ARNT2: variants seen among roughly 807,000 people sequenced by gnomAD.
ARNT2 encodes aryl hydrocarbon receptor nuclear translocator 2.
Under a neutral mutation model 91.7 loss-of-function variants are expected in ARNT2, and 36 were observed. The ratio of observed to expected loss-of-function variants is 0.39; its 90% CI spans 0.30 to 0.52. ARNT2 has a LOEUF of 0.52. ARNT2 is among the 20% of genes least tolerant of loss of function. ARNT2 has a pLI of 0.72. For synonymous variants in ARNT2, 365 were observed against 347.1 expected (o/e 1.05, Z -0.57); for missense variants, 775 against 939.3 (o/e 0.83, Z 2.29).
At chr15:80,441,207 A>G (rs919648977) in intron 1 of ARNT2, 2 of 985,064 alleles carry the variant, frequency 2.0e-6, no homozygotes, top group South Asian at 4.7e-5. Context: ...CGGCTGAATC[A>G]TGGTCCACAG....
Position 80,443,189 on chromosome 15 carries a change from G to A in ARNT2, c.32-7691G>A, listed in dbSNP as rs934965586. 3.3e-5 allele frequency among the ~76,000 whole-genome samples: 5 copies of A among 152,344 alleles called. No homozygotes were observed. The East Asian group carries it at 5.8e-4, about 18-fold the overall frequency. On this transcript the variant is annotated intron_variant, in intron 1 of 18. Coordinates refer to ENST00000303329, the MANE Select transcript of ARNT2 (RefSeq NM_014862.4). ...GAGAGCTTTCTTGCCAGAGGACATA[G>A]CATATGCAAAGGTCCTGGGGTCAGA... is the stretch of plus-strand genomic sequence containing the variant.
chr15:80,471,919 G>C (rs938481786), intron 4 of ARNT2, among the ~76,000 whole-genome samples: 4 of 152,186 alleles, frequency 2.6e-5, no homozygotes, highest in African/African-American at 9.7e-5. Flanking sequence ...CTTTACATGA[G>C]CCAGAGGCCT....
rs1262774949 is a variant in ARNT2, at chr15:80,581,082, G to C, written c.1753-157G>C. 5.8e-6 allele frequency: 5 copies of C among 855,748 alleles called. No individual in the cohort carries two copies. In the South Asian group the frequency reaches 8.8e-5, roughly 15 times the overall value. 53.0% of individuals were successfully genotyped at this position (855,748 alleles called of 1,614,324 possible). A position where few individuals can be genotyped will look rare whatever the true frequency, so the allele number is the denominator to read the frequency against. ...CAGTTCCTGGGCCCTCACACACCGG[G>C]CTGATCCCAGGCCTGTGCCTAGCCA... On this transcript the variant is annotated intron_variant, in intron 16 of 18. Coordinates refer to ENST00000303329, the MANE Select transcript of ARNT2 (RefSeq NM_014862.4).
At chr15:80,457,594 AAG>A (rs1324262860) in intron 2 of ARNT2, among the ~76,000 whole-genome samples, 1 of 152,230 alleles carries the variant, frequency 6.6e-6, no homozygotes, top group Middle Eastern at 3.2e-3. Context: ...AGAGAAAAGG[AAG>A]AGACACCTTT....
intron 11 of ARNT2, among the ~76,000 whole-genome samples, chr15:80,561,954 G>A (rs1898364991): frequency 6.6e-6 from 1 of 152,094 alleles, no homozygotes; most frequent in African/African-American, 2.4e-5. Context: ...TGTATATATA[G>A]GAAACAGCAT....
chr15:80,466,464 C>A (rs1896654898), intron 3 of ARNT2, among the ~76,000 whole-genome samples: 2 of 152,294 alleles, frequency 1.3e-5, no homozygotes, highest in South Asian at 4.1e-4. Flanking sequence ...GAGTTAATTT[C>A]TTTATTGATG....
At chr15:80,415,968 G>C (rs1270317609) in intron 1 of ARNT2, among the ~76,000 whole-genome samples, 1 of 152,124 alleles carries the variant, frequency 6.6e-6, no homozygotes, top group Non-Finnish European at 1.5e-5. Flanking sequence ...TTTCCCCCTG[G>C]AGTCAGAACT....
At chr15:80,502,300 G>A (rs1645933417) in intron 5 of ARNT2, among the ~76,000 whole-genome samples, 1 of 152,218 alleles carries the variant, frequency 6.6e-6, no homozygotes, top group Non-Finnish European at 1.5e-5. Flanking sequence ...ATGGCTGGCT[G>A]CCCCGGACAG....
intron 3 of ARNT2, among the ~76,000 whole-genome samples, chr15:80,464,636 C>T (rs572517032): frequency 6.6e-6 from 1 of 152,294 alleles, no homozygotes; most frequent in South Asian, 2.1e-4. Flanking sequence ...CTTCCTGGAG[C>T]AGCCTCAGAA....
At chr15:80,584,441 G>C (rs1290801392) in intron 17 of ARNT2, among the ~76,000 whole-genome samples, 2 of 152,124 alleles carry the variant, frequency 1.3e-5, no homozygotes, top group Non-Finnish European at 2.9e-5. Flanking sequence ...GGACCCAAAG[G>C]GTTGTTCGTT....
chr15:80,407,587 C>T (rs145202798), intron 1 of ARNT2, among the ~76,000 whole-genome samples: 1 of 152,182 alleles, frequency 6.6e-6, no homozygotes, highest in African/African-American at 2.4e-5. Flanking sequence ...GGGTCATTTA[C>T]AGTCCTTACG....
chr15:80,459,374 G>A (rs1896521854), intron 3 of ARNT2, among the ~76,000 whole-genome samples: 1 of 152,172 alleles, frequency 6.6e-6, no homozygotes, highest in African/African-American at 2.4e-5. Context: ...TAATAGCAGG[G>A]TGTGCTTTCT....
intron 5 of ARNT2, among the ~76,000 whole-genome samples, chr15:80,497,988 A>C (rs557875881): frequency 6.6e-6 from 1 of 152,316 alleles, no homozygotes; most frequent in Admixed American, 6.5e-5. Context: ...TGTGGCTCCA[A>C]CTGTGTTCCT....
At chr15:80,467,817 G>T (rs1477602352) in intron 3 of ARNT2, among the ~76,000 whole-genome samples, 1 of 152,152 alleles carries the variant, frequency 6.6e-6, no homozygotes, top group African/African-American at 2.4e-5. Flanking sequence ...ACAAGCTCCT[G>T]GCTGAGGAGT....
chr15:80,470,299 A>G lies in ARNT2; in HGVS notation c.276A>G (p.Thr92=). Residue 92 remains threonine (T), a synonymous_variant, in exon 4 of 19, where the codon ACA becomes ACG. Transcript: ENST00000303329. ...YITELSDMVP[T]CSALARKPDK... ...CGGAGCTCTCCGACATGGTCCCCAC[A>G]TGCAGCGCACTGGCTCGGAAGCCAG... 3 of 1,614,224 alleles carry G rather than the reference A, an allele frequency of 1.9e-6. No individual in the cohort carries two copies. The highest frequency in any genetic ancestry group is 2.5e-6 in the Non-Finnish European group (3 of 1,180,042).
In ARNT2 at chr15:80,565,864, GTGTT is replaced by G. The variant is rs1411777320; in HGVS notation, c.1316+2635_1316+2638del. Among the ~76,000 whole-genome samples the G allele has an allele frequency of 5.8e-5, 7 of 120,198 alleles. No individual in the cohort carries two copies. The South Asian group carries it at 1.2e-3, about 20-fold the overall frequency. The allele number at this position is 120,198 out of a possible 152,430, so 78.9% of individuals were successfully genotyped here. A position where few individuals can be genotyped will look rare whatever the true frequency, so the allele number is the denominator to read the frequency against. On this transcript the variant is annotated intron_variant, in intron 12 of 18. Transcript: ENST00000303329. ...CTCTATTGATAGTTTTGTTGTGGTT[GTGTT>G]TGTTTGTTTTTTCTGTGCAGAAGCT...
chr15:80,404,536 C>A lies in ARNT2; in HGVS notation c.21C>A (p.Val7=). 1.6e-6 allele frequency: 2 copies of A among 1,212,652 alleles called. No individual in the cohort carries two copies. The highest frequency in any genetic ancestry group is 1.7e-5 in the South Asian group (1 of 59,886). The allele number at this position is 1,212,652 out of a possible 1,614,324, so 75.1% of individuals were successfully genotyped here. A position where few individuals can be genotyped will look rare whatever the true frequency, so the allele number is the denominator to read the frequency against. The change falls in exon 1 of 19, where the codon GTC becomes GTA. Residue 7 remains valine (V), a synonymous_variant. Transcript: ENST00000303329. The surrounding 1 kb of genome is among the most constrained non-coding windows in gnomAD (Gnocchi z 5.5). ...GCAAGATGGCAACCCCGGCGGCGGTCAACCCTCCGGGTGAGTAGCGGCCTG... is the reference window on the plus strand; with the variant it reads ...GCAAGATGGCAACCCCGGCGGCGGTAAACCCTCCGGGTGAGTAGCGGCCTG... MATPAA[V]NPPEMASDIP...
At position 80,591,712 on chromosome 15, in the gene ARNT2, G is replaced by C. The variant is rs1196209408; in HGVS notation, c.2055+8G>C. ...CAGACTGAAGTGTTCCAGGTAAATC[G>C]AGCGAGCACCGCCTTCTCGTAGGTA... On this transcript the variant is annotated splice_region_variant and intron_variant, in intron 18 of 18. Transcript: ENST00000303329. The surrounding 1 kb of genome is among the most constrained non-coding windows in gnomAD (Gnocchi z 5.1). The C allele has an allele frequency of 6.2e-7, 1 of 1,613,546 alleles. No individual in the cohort carries two copies. The highest frequency in any genetic ancestry group is 8.5e-7 in the Non-Finnish European group (1 of 1,179,766).
At chr15:80,552,853 A>G (rs1596009585) in intron 10 of ARNT2, 79 bp downstream of exon 10, 1 of 1,527,490 alleles carries the variant, frequency 6.5e-7, no homozygotes, top group African/African-American at 1.4e-5. Context: ...CATTTGAGAT[A>G]CAACACAATG....
Sources: allele counts gnomAD v4.1 joint callset (sites outside exome capture counted in the v4.1 genomes callset), GRCh38; gene constraint gnomAD v4.1.1; non-coding constraint Gnocchi (gnomAD v3.1); transcripts MANE v1.5; gene names NCBI Gene and HGNC (gene_info 2026-07-23, HGNC 2026-07-21).